Variants in CFAP410 observed in about 807,000 individuals in gnomAD.
CFAP410 encodes the protein cilia- and flagella-associated protein 410.
CFAP410 carries 27 observed loss-of-function variants against 25.7 expected under a neutral mutation model. That is an observed-to-expected ratio of 1.05 (90% CI 0.77 to 1.45). The LOEUF (loss-of-function observed/expected upper bound fraction) is 1.45, where lower values mean the gene tolerates loss of function less well. Ranked by LOEUF, CFAP410 falls within the 40% of genes most tolerant of loss-of-function variation. The pLI is 0.00. For synonymous variants in CFAP410, 178 were observed against 158.4 expected (o/e 1.12, Z -0.93); for missense variants, 428 against 354.1 (o/e 1.21, Z -1.67).
chr21:44,334,142 C>A (rs1402076417), intron 3 of CFAP410: 2 of 456,332 alleles, frequency 4.4e-6, no homozygotes, highest in Non-Finnish European at 8.8e-6. Context: ...GTACCGACCG[C>A]GTCCGCGGCC....
At chr21:44,336,747 G>A (rs574436763) in intron 2 of CFAP410, 1 of 152,110 alleles carries the variant, frequency 6.6e-6, no homozygotes, top group Admixed American at 6.5e-5. Context: ...TTGTCTTTAA[G>A]AAAAGGTACA....
Position 44,338,130 on chromosome 21 carries a change from A to G in CFAP410, c.78-463T>C, listed in dbSNP as rs2047788443. The G allele has an allele frequency of 6.3e-6, 3 of 476,788 alleles. No homozygotes were observed. In the East Asian group the frequency reaches 2.7e-4, roughly 42 times the overall value. The allele number at this position is 476,788 out of a possible 1,614,324, so 29.5% of individuals were successfully genotyped here. On this transcript the variant is annotated intron_variant, in intron 1 of 6. Coordinates refer to ENST00000339818, the MANE Select transcript of CFAP410 (RefSeq NM_004928.3). ...GAGTACTGACCACCCCATGCAAAAC[A>G]AAGAAATGCATTATTGAAAGCAAAT...
intron 3 of CFAP410, 45 bp from the exon 4 acceptor site, chr21:44,333,307 C>T (rs975081399): frequency 6.8e-7 from 1 of 1,467,172 alleles, no homozygotes; most frequent in Admixed American, 1.9e-5. Flanking sequence ...GGCCAGGGCC[C>T]CCAGGGCCAC....
chr21:44,336,092 G>A (rs528572740), intron 2 of CFAP410, among the ~76,000 whole-genome samples: 4 of 139,920 alleles, frequency 2.9e-5, no homozygotes, highest in Non-Finnish European at 6.2e-5. Context: ...GCCCTGCTCA[G>A]CCAGTGTGCC....
Position 44,336,532 on chromosome 21 carries a change from C to T in CFAP410, c.97-728G>A, listed in dbSNP as rs183304922. Among the ~76,000 whole-genome samples the T allele has an allele frequency of 1.2e-4, 18 of 152,318 alleles. No individual in the cohort carries two copies. The East Asian group carries it at 3.1e-3, about 26-fold the overall frequency. On this transcript the variant is annotated intron_variant, in intron 2 of 6. Transcript: ENST00000339818. ...GCCCGGGGTGGTCCACAAAGCCTCA[C>T]AACCTGCAAAGCTCCCACATATGTG...
In CFAP410 at chr21:44,329,912, T is replaced by A. The variant is rs534722715; in HGVS notation, c.*286A>T. Reference sequence around the variant, plus strand: ...GATCAACCTTGGGAAAATCTTTTATTAGGGAGGACAGCCTGCAAAATCCTC... The same window carrying A: ...GATCAACCTTGGGAAAATCTTTTATAAGGGAGGACAGCCTGCAAAATCCTC... On this transcript the variant is annotated 3_prime_UTR_variant, in exon 7 of 7. Transcript: ENST00000339818. The A allele has an allele frequency of 2.6e-6, 1 of 389,304 alleles. No individual in the cohort carries two copies. Among genetic ancestry groups the A allele is most frequent in the South Asian group, 4.9e-5 (1 of 20,226 alleles). 24.1% of individuals were successfully genotyped at this position (389,304 alleles called of 1,614,324 possible). A position where few individuals can be genotyped will look rare whatever the true frequency, so the allele number is the denominator to read the frequency against.
intron 4 of CFAP410, 87 bp from the exon 5 acceptor site, chr21:44,332,101 T>G: frequency 2.7e-6 from 3 of 1,102,596 alleles, no homozygotes; most frequent in Non-Finnish European, 3.9e-6. Flanking sequence ...CACTGTGGCT[T>G]CAGGCACAGT....
intron 2 of CFAP410, chr21:44,336,873 CA>C (rs2047766006): frequency 6.6e-6 from 1 of 151,958 alleles, no homozygotes. Flanking sequence ...CACCTGAACT[CA>C]GGGGGTTTGA....
In CFAP410 at chr21:44,329,921, C is replaced by G. The variant is rs998860290; in HGVS notation, c.*277G>C. On this transcript the variant is annotated 3_prime_UTR_variant, in exon 7 of 7. Coordinates refer to ENST00000339818, the MANE Select transcript of CFAP410 (RefSeq NM_004928.3). ...TGGGAAAATCTTTTATTAGGGAGGA[C>G]AGCCTGCAAAATCCTCCCTTTAAGA... 1.9e-5 allele frequency: 8 copies of G among 414,896 alleles called. No individual in the cohort carries two copies. In the South Asian group the frequency reaches 3.6e-4, roughly 19 times the overall value. 25.7% of individuals were successfully genotyped at this position (414,896 alleles called of 1,614,324 possible).
In CFAP410 at chr21:44,330,892, C is replaced by T. The variant is rs1602073469; in HGVS notation, c.573G>A (p.Leu191=). 6.2e-7 allele frequency: 1 copy of T among 1,602,548 alleles called. No individual in the cohort carries two copies. The highest frequency in any genetic ancestry group is 8.5e-7 in the Non-Finnish European group (1 of 1,173,062). Residue 191 remains leucine, a synonymous_variant, in exon 6 of 7, where the codon CTG becomes CTA. Transcript: ENST00000339818. ...ATSGAQDERG[L]KPPSRGQFPS... is the part of the protein sequence containing the mutation. ...GAAACTGGCCCCGGGAAGGCGGCTT[C>T]AGGCCACGTTCATCCTGGGCGCCGC...
intron 3 of CFAP410, chr21:44,334,463 C>T (rs965908847): frequency 9.6e-5 from 27 of 282,420 alleles, no homozygotes; most frequent in African/African-American, 1.4e-4. Flanking sequence ...ACTAGTGAAA[C>T]GAGCCCCGCG....
chr21:44,330,638 C>A, intron 6 of CFAP410, 185 bp downstream of exon 6: 3 of 1,548,978 alleles, frequency 1.9e-6, no homozygotes, highest in Non-Finnish European at 2.6e-6. Context: ...ACGTGTTACA[C>A]GTGTGTGCGC....
chr21:44,339,215 C>G lies in CFAP410; in HGVS notation c.-21G>C. On this transcript the variant is annotated 5_prime_UTR_variant, in exon 1 of 7. Transcript: ENST00000339818. Reference sequence around the variant, plus strand: ...TTCATGGCGGCCGCCCAGGCCCGACCGGCGGGCGCCCCCGGCCTCCTGATC... The same window carrying G: ...TTCATGGCGGCCGCCCAGGCCCGACGGGCGGGCGCCCCCGGCCTCCTGATC... 1 of 1,423,262 alleles carries G rather than the reference C, an allele frequency of 7.0e-7. No homozygotes were observed. Among genetic ancestry groups the G allele is most frequent in the South Asian group, 1.5e-5 (1 of 68,794 alleles). The allele number at this position is 1,423,262 out of a possible 1,614,324, so 88.2% of individuals were successfully genotyped here. A position where few individuals can be genotyped will look rare whatever the true frequency, so the allele number is the denominator to read the frequency against.
In CFAP410 at chr21:44,339,325, C is replaced by T. The variant is rs2047825697; in HGVS notation, c.-131G>A. 4.0e-6 allele frequency: 2 copies of T among 498,672 alleles called. No homozygotes were observed. Among genetic ancestry groups the T allele is most frequent in the Admixed American group, 4.5e-5 (1 of 22,382 alleles). The allele number at this position is 498,672 out of a possible 1,614,324, so 30.9% of individuals were successfully genotyped here. ...GCGGATCCTGAGCCGATTGGCGGCT[C>T]GGTGAGGAGAGCGGGGCGACGCGAG... On this transcript the variant is annotated 5_prime_UTR_variant, in exon 1 of 7. Transcript: ENST00000339818.
intron 3 of CFAP410, chr21:44,334,581 C>T (rs542861021): frequency 5.9e-4 from 158 of 267,274 alleles, no homozygotes; most frequent in African/African-American, 1.1e-3. Context: ...CCTCTGGACT[C>T]GGGCTCCATC....
chr21:44,331,802 C>A, intron 5 of CFAP410, 41 bp downstream of exon 5: 1 of 1,589,368 alleles, frequency 6.3e-7, no homozygotes, highest in Non-Finnish European at 8.5e-7. Context: ...CCCTGGGGGA[C>A]AGGGATGGGC....
At chr21:44,337,204 C>G (rs928961027) in intron 2 of CFAP410, among the ~76,000 whole-genome samples, 7 of 152,244 alleles carry the variant, frequency 4.6e-5, no homozygotes, top group African/African-American at 1.7e-4. Flanking sequence ...CGCACACACT[C>G]AAGTTCTCCC....
chr21:44,337,672 G>A lies in CFAP410; in HGVS notation c.78-5C>T, dbSNP rs1430887364. The A allele has an allele frequency of 6.2e-7, 1 of 1,611,598 alleles. No individual in the cohort carries two copies. The highest frequency in any genetic ancestry group is 1.7e-5 in the Admixed American group (1 of 59,858). On this transcript the variant is annotated splice_region_variant and splice_polypyrimidine_tract_variant and intron_variant, in intron 1 of 6. Transcript: ENST00000339818. ...ACATCTGTGAGGCGGCTGCCCCTGG[G>A]GAGAGAAAAGATACATACTTTAATT...
Position 44,337,621 on chromosome 21 carries a change from A to C in CFAP410, c.96+28T>G, listed in dbSNP as rs2146085696. ...AGGCTATTTGGAGATGATCAGTGCA[A>C]TACTTACATCTGTGAGGCAATACTT... is the stretch of plus-strand genomic sequence containing the variant. On this transcript the variant is annotated intron_variant, in intron 2 of 6. Transcript: ENST00000339818. 4 of 1,607,324 alleles carry C rather than the reference A, an allele frequency of 2.5e-6. No homozygotes were observed. In the East Asian group the frequency reaches 8.9e-5, roughly 36 times the overall value.
Sources: gnomAD v4.1 joint callset for allele counts (sites outside exome capture counted in the v4.1 genomes callset) on GRCh38, gnomAD v4.1.1 for gene constraint, MANE v1.5 for transcripts, NCBI Gene and HGNC (gene_info 2026-07-23, HGNC 2026-07-21) for gene names.